MAP3K14: variants seen among roughly 807,000 people sequenced by gnomAD.
MAP3K14 encodes the protein mitogen-activated protein kinase kinase kinase 14, also known as NF-kappa-beta-inducing kinase.
A neutral mutation model predicts 99.2 loss-of-function variants in MAP3K14; 16 were observed. The observed-to-expected ratio is 0.16, with a 90% CI of 0.11 to 0.24. MAP3K14 has a LOEUF of 0.24. MAP3K14 is among the 10% of genes least tolerant of loss of function. MAP3K14 has a pLI of 1.00. For synonymous variants in MAP3K14, 462 were observed against 492.4 expected, an observed-to-expected ratio of 0.94 and a Z score of 0.82; for missense variants, 784 against 1,208.7, an observed-to-expected ratio of 0.65 and a Z score of 5.21.
chr17:45,285,363 C>T (rs149898070), intron 5 of MAP3K14, among the ~76,000 whole-genome samples: 39 of 152,220 alleles, frequency 2.6e-4, no homozygotes, highest in South Asian at 8.3e-4. Flanking sequence ...TGGTGGCTCA[C>T]GCCTGTAATC....
chr17:45,264,648 C>T lies in MAP3K14; in HGVS notation c.2832G>A (p.Glu944=), dbSNP rs1365425997. 7 of 1,582,840 alleles carry T rather than the reference C, an allele frequency of 4.4e-6. No individual in the cohort carries two copies. Among genetic ancestry groups the T allele is most frequent in the African/African-American group, 1.3e-5 (1 of 74,170 alleles). ...WSWRVKHGQL[E]NRP Reference sequence around the variant, plus strand: ...GTGGAGGGCAGGGTTAGGGCCTGTTCTCCAGCTGGCCATGCTTGACCCTCC... The same window carrying T: ...GTGGAGGGCAGGGTTAGGGCCTGTTTTCCAGCTGGCCATGCTTGACCCTCC... The change falls in exon 16 of 16, where the codon GAG becomes GAA. Residue 944 remains glutamate (E), a synonymous_variant. Transcript: ENST00000344686.
chr17:45,307,315 C>T (rs1282571561), intron 1 of MAP3K14, among the ~76,000 whole-genome samples: 1 of 151,786 alleles, frequency 6.6e-6, no homozygotes, highest in African/African-American at 2.4e-5. Context: ...CAAGTGTCAT[C>T]GAAATCAGCA....
intron 1 of MAP3K14, among the ~76,000 whole-genome samples, chr17:45,298,860 T>A (rs562076089): frequency 5.2e-4 from 79 of 152,160 alleles, no homozygotes; most frequent in African/African-American, 1.9e-3. Flanking sequence ...AGGGATGCAA[T>A]GACAGAGATA....
At chr17:45,269,065 G>A (rs867532518) in intron 11 of MAP3K14, among the ~76,000 whole-genome samples, 6 of 152,134 alleles carry the variant, frequency 3.9e-5, no homozygotes, top group Non-Finnish European at 8.8e-5. Context: ...TGCGCAGGCT[G>A]GAGTGCAGTG....
intron 1 of MAP3K14, among the ~76,000 whole-genome samples, chr17:45,302,975 G>A (rs79789477): frequency 0.098 from 14,913 of 152,312 alleles, 892 homozygotes; most frequent in Admixed American, 0.15. Flanking sequence ...ATAGGAAGGT[G>A]CTCAGAAGAT....
intron 1 of MAP3K14, among the ~76,000 whole-genome samples, chr17:45,313,411 T>C (rs567493629): frequency 3.3e-5 from 5 of 152,140 alleles, no homozygotes; most frequent in Non-Finnish European, 7.3e-5. Flanking sequence ...CTCCTCTCAT[T>C]TTCTACTCAA....
chr17:45,271,221 C>A lies in MAP3K14; in HGVS notation c.1658G>T (p.Gly553Val). Reference sequence around the variant, plus strand: ...GGTCTCTGTGCCAGGGATGTAGTCCCCTGAGAAGGGGGATGAGACATAAAG... The same window carrying A: ...GGTCTCTGTGCCAGGGATGTAGTCCACTGAGAAGGGGGATGAGACATAAAG... ...PDGLGKSLLT[G>V]DYIPGTETHM... The change falls in exon 10 of 16, where the codon GGG (glycine) becomes GTG (valine). Residue 553 changes from glycine (G) to valine (V), a missense_variant and splice_region_variant. By Grantham distance (109) the Gly-to-Val change is moderately radical. Transcript: ENST00000344686. The A allele has an allele frequency of 6.2e-7, 1 of 1,602,846 alleles. No individual in the cohort carries two copies. Among genetic ancestry groups the A allele is most frequent in the African/African-American group, 1.3e-5 (1 of 74,308 alleles).
intron 9 of MAP3K14, 35 bp from the exon 10 acceptor site, chr17:45,271,256 A>G: frequency 6.3e-7 from 1 of 1,577,150 alleles, no homozygotes. Flanking sequence ...GTTACCTGGA[A>G]TGCTGATGGG....
At position 45,286,535 on chromosome 17, in the gene MAP3K14, C is replaced by T; in HGVS notation, c.1048G>A (p.Ala350Thr). The change falls in exon 5 of 16, where the codon GCC becomes ACC. Residue 350 changes from alanine to threonine, a missense_variant. Transcript: ENST00000344686. The surrounding 1 kb of genome is among the most constrained non-coding windows in gnomAD (Gnocchi z 4.1). Reference protein sequence around the residue: ...ALQGSVSSGQAHSLTSLAKTW... With the variant: ...ALQGSVSSGQTHSLTSLAKTW... ...TTGGCCAGGCTGGTCAGGCTGTGGGCCTGGCCTGAGCTCACGCTGCCTTGC... is the reference window on the plus strand; with the variant it reads ...TTGGCCAGGCTGGTCAGGCTGTGGGTCTGGCCTGAGCTCACGCTGCCTTGC... 1 of 1,609,476 alleles carries T rather than the reference C, an allele frequency of 6.2e-7. No individual in the cohort carries two copies. The highest frequency in any genetic ancestry group is 8.5e-7 in the Non-Finnish European group (1 of 1,178,220).
chr17:45,280,254 ATTC>A (rs1163969958), intron 6 of MAP3K14, among the ~76,000 whole-genome samples: 1 of 149,150 alleles, frequency 6.7e-6, no homozygotes, highest in Admixed American at 6.7e-5. Flanking sequence ...GATATGAATT[ATTC>A]TTTAAAAATG....
intron 15 of MAP3K14, 75 bp downstream of exon 15, chr17:45,265,088 T>C: frequency 8.1e-7 from 1 of 1,232,326 alleles, no homozygotes; most frequent in African/African-American, 1.5e-5. Context: ...CTTTGAAAGC[T>C]TTCCTCCTGG....
intron 6 of MAP3K14, among the ~76,000 whole-genome samples, chr17:45,279,721 C>T (rs773104996): frequency 6.6e-6 from 1 of 152,060 alleles, no homozygotes; most frequent in Admixed American, 6.6e-5. Flanking sequence ...CCGCACCCAG[C>T]CTCTTCTTTG....
intron 13 of MAP3K14, among the ~76,000 whole-genome samples, 155 bp from the exon 14 acceptor site, chr17:45,266,836 T>C (rs1432945704): frequency 6.6e-6 from 1 of 152,048 alleles, no homozygotes; most frequent in Non-Finnish European, 1.5e-5. Flanking sequence ...GCCTCCCCAT[T>C]ATCTCTGGTG....
chr17:45,290,848 G>A, intron 1 of MAP3K14, 83 bp from the exon 2 acceptor site: 2 of 1,407,456 alleles, frequency 1.4e-6, no homozygotes, highest in South Asian at 2.6e-5. Context: ...GGGGGAGAAA[G>A]GCAGGGGCAA....
chr17:45,270,881 T>G (rs2044137639), intron 10 of MAP3K14, 177 bp downstream of exon 10: 1 of 929,706 alleles, frequency 1.1e-6, no homozygotes, highest in Non-Finnish European at 1.6e-6. Flanking sequence ...CCTCCGCAGC[T>G]GGATCTCCCC....
chr17:45,294,867 T>G (rs1159646274), intron 1 of MAP3K14, among the ~76,000 whole-genome samples: 1 of 152,218 alleles, frequency 6.6e-6, no homozygotes, highest in Admixed American at 6.5e-5. Context: ...TAAAATGAGG[T>G]AAAATTTTAA....
intron 1 of MAP3K14, among the ~76,000 whole-genome samples, chr17:45,304,208 T>G (rs1477883136): frequency 1.3e-5 from 2 of 152,044 alleles, no homozygotes; most frequent in Non-Finnish European, 1.5e-5. Context: ...TTCACCATGT[T>G]GGTCAGGCTG....
intron 6 of MAP3K14, among the ~76,000 whole-genome samples, chr17:45,281,135 T>G (rs1431288796): frequency 6.6e-6 from 1 of 152,020 alleles, no homozygotes; most frequent in Non-Finnish European, 1.5e-5. Flanking sequence ...CTCACTCTGT[T>G]GTCCAGGCTG....
At chr17:45,306,821 C>T (rs948923032) in intron 1 of MAP3K14, among the ~76,000 whole-genome samples, 12 of 152,144 alleles carry the variant, frequency 7.9e-5, no homozygotes, top group African/African-American at 2.4e-4. Context: ...ATAGAAAAGA[C>T]GCCACAGGGG....
Sources: gnomAD v4.1 joint callset for allele counts (sites outside exome capture counted in the v4.1 genomes callset) on GRCh38, gnomAD v4.1.1 for gene constraint, Gnocchi (gnomAD v3.1) non-coding constraint, MANE v1.5 for transcripts, NCBI Gene and HGNC (gene_info 2026-07-23, HGNC 2026-07-21) for gene names.